The following JAG1 variants were observed in gnomAD, a reference collection of about 807,000 sequenced individuals.
JAG1 encodes jagged canonical Notch ligand 1.
A neutral mutation model predicts 148.7 loss-of-function variants in JAG1; 23 were observed. That is an observed-to-expected ratio of 0.15 (90% confidence interval 0.11 to 0.22). JAG1 has a LOEUF of 0.22. Ranked by LOEUF, JAG1 falls within the 10% of genes least tolerant of loss-of-function variation. JAG1 has a pLI of 1.00. For synonymous variants in JAG1, 572 were observed against 598.3 expected, an observed-to-expected ratio of 0.96 and a Z score of 0.64; for missense variants, 1,054 against 1,611.2, an observed-to-expected ratio of 0.65 and a Z score of 5.92.
chr20:10,666,280 C>T lies in JAG1; in HGVS notation c.388-2266G>A, dbSNP rs190181350. 3.4e-3 allele frequency among the ~76,000 whole-genome samples: 511 copies of T among 152,276 alleles called. 2 individuals carry two copies. Among genetic ancestry groups the T allele is most frequent in the African/African-American group, 0.012 (480 of 41,548 alleles). On this transcript the variant is annotated intron_variant, in intron 2 of 25. Transcript: ENST00000254958. ...ATAATTTAACAATGATTATTAGTTG[C>T]TAGAGAACTTTAATTTTTCCCAGGC...
At position 10,646,997 on chromosome 20, in the gene JAG1, C is replaced by G. The variant is rs779802470; in HGVS notation, c.1827G>C (p.Ser609=). Residue 609 remains serine, a synonymous_variant, in exon 14 of 26, where the codon TCG becomes TCC. Coordinates refer to ENST00000254958, the MANE Select transcript of JAG1 (RefSeq NM_000214.3). The part of the protein sequence containing the change: ...CGPHGKCKSQ[S]GGKFTCDCNK... ...TACAGTCACAGGTGAATTTGCCTCCCGACTGACTCTTGCACTTCCCGTGAG... is the reference window on the plus strand; with the variant it reads ...TACAGTCACAGGTGAATTTGCCTCCGGACTGACTCTTGCACTTCCCGTGAG... The G allele has an allele frequency of 9.9e-6, 16 of 1,614,162 alleles. No homozygotes were observed. The Admixed American group carries it at 1.8e-4, about 18-fold the overall frequency.
At chr20:10,646,688 C>T (rs1266460605) in intron 14 of JAG1, among the ~76,000 whole-genome samples, 4 of 152,064 alleles carry the variant, frequency 2.6e-5, no homozygotes, top group East Asian at 1.9e-4. Context: ...GGGCGTGGTG[C>T]GCATGCCTGT....
chr20:10,657,428 G>T (rs1166285915), intron 4 of JAG1, among the ~76,000 whole-genome samples: 1 of 151,184 alleles, frequency 6.6e-6, no homozygotes, highest in Non-Finnish European at 1.5e-5. Context: ...ACTAAAATAT[G>T]TTAATGAATT....
At position 10,648,068 on chromosome 20, in the gene JAG1, C is replaced by A. The variant is rs2067321510; in HGVS notation, c.1612G>T (p.Ala538Ser). 6.2e-7 allele frequency: 1 copy of A among 1,614,178 alleles called. No homozygotes were observed. The highest frequency in any genetic ancestry group is 8.5e-7 in the Non-Finnish European group (1 of 1,180,030). Residue 538 changes from alanine (A) to serine (S), a missense_variant, in exon 13 of 26, where the codon GCC becomes TCC. Physicochemically the swap from Ala to Ser is moderately conservative, Grantham distance 99. Transcript: ENST00000254958. ...YCEPNPCQNG[A>S]QCYNRASDYF... ...TCACTGGCACGGTTGTAGCACTGGG[C>A]ACCGTTCTGGCAGGGATTAGGCTCA... is the stretch of plus-strand genomic sequence containing the variant.
Position 10,645,930 on chromosome 20 carries a change from AC to A in JAG1, c.1999+40del. On this transcript the variant is annotated intron_variant, in intron 15 of 25. Coordinates refer to ENST00000254958, the MANE Select transcript of JAG1 (RefSeq NM_000214.3). This position sits in a 1 kb window ranked among gnomAD's most constrained non-coding sequence, Gnocchi z 6.1. ...GTTGAAGTGGGATCCCTCCAACATG[AC>A]CCATACATCCCAGAGCTCCCCAAAG... The A allele has an allele frequency of 1.5e-6, 2 of 1,325,332 alleles. No homozygotes were observed. Among genetic ancestry groups the A allele is most frequent in the Non-Finnish European group, 2.2e-6 (2 of 916,644 alleles). The allele number at this position is 1,325,332 out of a possible 1,614,324, so 82.1% of individuals were successfully genotyped here.
In JAG1 at chr20:10,656,882, A is replaced by C. The variant is rs547932878; in HGVS notation, c.695-424T>G. Reference sequence around the variant, plus strand: ...ATGAGCCTCAGCCTTTAAAAAAAAAAAAAAAAAAAAAAACAACCCATACCA... The same window carrying C: ...ATGAGCCTCAGCCTTTAAAAAAAAACAAAAAAAAAAAAACAACCCATACCA... On this transcript the variant is annotated intron_variant, in intron 4 of 25. Coordinates refer to ENST00000254958, the MANE Select transcript of JAG1 (RefSeq NM_000214.3). 1.3e-4 allele frequency among the ~76,000 whole-genome samples: 20 copies of C among 151,480 alleles called. No individual in the cohort carries two copies. The South Asian group carries it at 3.7e-3, about 28-fold the overall frequency.
chr20:10,642,266 A>C (rs994349377), intron 21 of JAG1, among the ~76,000 whole-genome samples: 1 of 152,228 alleles, frequency 6.6e-6, no homozygotes. Flanking sequence ...GCTGCAAGCC[A>C]CAGCAGTTTG....
Position 10,658,466 on chromosome 20 carries a change from A to G in JAG1, c.694+2T>C. On this transcript the variant is annotated splice_donor_variant, in intron 4 of 25. Transcript: ENST00000254958. LOFTEE classifies it high-confidence loss of function. ...CGTGCACATGCACACACACACACAT[A>G]CCTCTGTTACATTCGGGGCCCATCC... is the stretch of plus-strand genomic sequence containing the variant. The G allele has an allele frequency of 1.2e-6, 2 of 1,613,734 alleles. No homozygotes were observed. Among genetic ancestry groups the G allele is most frequent in the Non-Finnish European group, 8.5e-7 (1 of 1,180,012 alleles).
chr20:10,645,946 G>T lies in JAG1; in HGVS notation c.1999+25C>A. On this transcript the variant is annotated intron_variant, in intron 15 of 25. Coordinates refer to ENST00000254958, the MANE Select transcript of JAG1 (RefSeq NM_000214.3). The surrounding 1 kb of genome is among the most constrained non-coding windows in gnomAD (Gnocchi z 6.1). ...TCCAACATGACCCATACATCCCAGA[G>T]CTCCCCAAAGAGTGGCAGACTCACT... 6.8e-7 allele frequency: 1 copy of T among 1,472,134 alleles called. No individual in the cohort carries two copies. The highest frequency in any genetic ancestry group is 1.1e-5 in the South Asian group (1 of 88,188). The allele number at this position is 1,472,134 out of a possible 1,614,324, so 91.2% of individuals were successfully genotyped here.
Position 10,640,844 on chromosome 20 carries a change from G to A in JAG1, c.3138C>T (p.Ser1046=). 1.9e-6 allele frequency: 3 copies of A among 1,614,184 alleles called. No individual in the cohort carries two copies. The highest frequency in any genetic ancestry group is 2.5e-6 in the Non-Finnish European group (3 of 1,180,024). Residue 1046 remains serine, a synonymous_variant, in exon 25 of 26, where the codon AGC becomes AGT. Transcript: ENST00000254958. ...CTTCTGCAACGGCAGCAATCAGCGAGCTGTTTCCATCACGTTTACTAACAA... is the reference window on the plus strand; with the variant it reads ...CTTCTGCAACGGCAGCAATCAGCGAACTGTTTCCATCACGTTTACTAACAA... ...IDLVSKRDGN[S]SLIAAVAEVR... is the part of the protein sequence containing the mutation.
rs958409504 is a variant in JAG1, at chr20:10,649,593, G to A, written c.1277C>T (p.Ser426Phe). 1 of 1,613,914 alleles carries A rather than the reference G, an allele frequency of 6.2e-7. No individual in the cohort carries two copies. Among genetic ancestry groups the A allele is most frequent in the East Asian group, 2.2e-5 (1 of 44,878 alleles). The change falls in exon 10 of 26, where the codon TCC (serine) becomes TTC (phenylalanine). Residue 426 changes from serine to phenylalanine, a missense_variant. Physicochemically the swap from Ser to Phe is radical, Grantham distance 155. Around this residue, in one of 6 missense-constraint regions of JAG1, gnomAD observed 245 missense variants for 373.1 expected, o/e 0.66. Coordinates refer to ENST00000254958, the MANE Select transcript of JAG1 (RefSeq NM_000214.3). Reference protein sequence around the residue: ...CEAKPCVNAKSCKNLIASYYC... With the variant: ...CEAKPCVNAKFCKNLIASYYC... The stretch of plus-strand genomic sequence containing the variant: ...GTAGCTGGCAATGAGATTCTTACAG[G>A]ATTTGGCGTTTACACAAGGTTTGGC...
intron 24 of JAG1, 86 bp downstream of exon 24, chr20:10,641,027 T>C (rs1223176755): frequency 3.7e-6 from 6 of 1,611,504 alleles, no homozygotes; most frequent in Non-Finnish European, 4.2e-6. Flanking sequence ...CAAAGCTTTT[T>C]GTCAGTGAAT....
rs779410593 is a variant in JAG1 at position 10,641,567 on chromosome 20, G to T, written c.2809C>A (p.Arg937=). The T allele has an allele frequency of 6.2e-7, 1 of 1,614,176 alleles. No homozygotes were observed. The highest frequency in any genetic ancestry group is 1.1e-5 in the South Asian group (1 of 91,084). The change falls in exon 23 of 26, where the codon CGG becomes AGG. Residue 937 remains arginine, a synonymous_variant. Coordinates refer to ENST00000254958, the MANE Select transcript of JAG1 (RefSeq NM_000214.3). ...VHPCTGVGEC[R]SSSLQPVKTK... ...TTCACCGGCTGGAGACTGGAAGACC[G>T]ACACTCGCCCACACCAGTGCAGGGG... is the stretch of plus-strand genomic sequence containing the variant.
In JAG1 at chr20:10,673,418, G is replaced by T; in HGVS notation, c.81+32C>A. The stretch of plus-strand genomic sequence containing the variant: ...GCGCCGCGAGGGGAGGGAGAGGACG[G>T]CTGGGAGGGAGGCCCGGAGAAGGGC... On this transcript the variant is annotated intron_variant, in intron 1 of 25. Coordinates refer to ENST00000254958, the MANE Select transcript of JAG1 (RefSeq NM_000214.3). This position sits in a 1 kb window ranked among gnomAD's most constrained non-coding sequence, Gnocchi z 4.7. The T allele has an allele frequency of 1.4e-6, 2 of 1,413,800 alleles. No homozygotes were observed. The highest frequency in any genetic ancestry group is 1.9e-6 in the Non-Finnish European group (2 of 1,070,032). 87.6% of individuals were successfully genotyped at this position (1,413,800 alleles called of 1,614,324 possible). A position where few individuals can be genotyped will look rare whatever the true frequency, so the allele number is the denominator to read the frequency against.
intron 2 of JAG1, among the ~76,000 whole-genome samples, chr20:10,667,531 GCA>G (rs966505737): frequency 6.6e-6 from 1 of 152,238 alleles, no homozygotes; most frequent in African/African-American, 2.4e-5. Context: ...TGTGGCGCAT[GCA>G]CACGTACTCA....
At chr20:10,670,045 G>A (rs997180484) in intron 2 of JAG1, among the ~76,000 whole-genome samples, 5 of 152,136 alleles carry the variant, frequency 3.3e-5, no homozygotes, top group Non-Finnish European at 2.9e-5. Context: ...GACCAGAGCC[G>A]GGGCAGGGGA....
In JAG1 at chr20:10,641,202, T is replaced by A. The variant is rs2067268754; in HGVS notation, c.2959A>T (p.Asn987Tyr). The part of the protein sequence containing the change: ...EHICSELRNL[N>Y]ILKNVSAEYS... ...TCAGCGGAAACATTCTTCAAAATAT[T>A]CAAATTCCTCAATTCACTGCAAATG... The change falls in exon 24 of 26, where the codon AAT (asparagine) becomes TAT (tyrosine). Residue 987 changes from asparagine to tyrosine, a missense_variant. Physicochemically the swap from Asn to Tyr is moderately radical, Grantham distance 143 (BLOSUM62 -2). Coordinates refer to ENST00000254958, the MANE Select transcript of JAG1 (RefSeq NM_000214.3). 1 of 1,613,854 alleles carries A rather than the reference T, an allele frequency of 6.2e-7. No homozygotes were observed. The highest frequency in any genetic ancestry group is 1.3e-5 in the African/African-American group (1 of 74,908).
At chr20:10,648,863 T>C (rs1568796441) in intron 11 of JAG1, 141 bp from the exon 12 acceptor site, 2 of 973,646 alleles carry the variant, frequency 2.1e-6, no homozygotes, top group Admixed American at 2.0e-5. Context: ...TGAAAGTGGT[T>C]AGAGGAATTT....
intron 4 of JAG1, among the ~76,000 whole-genome samples, chr20:10,657,489 C>G (rs967586866): frequency 6.6e-6 from 1 of 152,142 alleles, no homozygotes; most frequent in Non-Finnish European, 1.5e-5. Context: ...ACTCTTCTCT[C>G]CAATTATTTA....
Sources: allele counts gnomAD v4.1 joint callset (sites outside exome capture counted in the v4.1 genomes callset), GRCh38; gene constraint gnomAD v4.1.1; regional missense constraint gnomAD v4.1.1; non-coding constraint Gnocchi (gnomAD v3.1); transcripts MANE v1.5; gene names NCBI Gene and HGNC (gene_info 2026-07-23, HGNC 2026-07-21).